ZNF670: variants seen among roughly 807,000 people sequenced by gnomAD.
ZNF670 encodes the protein zinc finger protein 670.
Under a neutral mutation model 10.9 loss-of-function variants are expected in ZNF670, and 7 were observed. The observed-to-expected ratio is 0.64, with a 90% CI of 0.36 to 1.20. The LOEUF is 1.20. Among genes scored for constraint, ZNF670 ranks in the 50% most tolerant of loss-of-function variants. The pLI, the probability that ZNF670 is intolerant of heterozygous loss-of-function variation, is 0.02. For synonymous variants in ZNF670, 136 were observed against 152.7 expected, an observed-to-expected ratio of 0.89 and a Z score of 0.81; for missense variants, 446 against 458.6, an observed-to-expected ratio of 0.97 and a Z score of 0.25.
intron 1 of ZNF670, among the ~76,000 whole-genome samples, chr1:247,076,658 CT>C (rs553387815): frequency 0.012 from 1,651 of 139,816 alleles, 28 homozygotes; most frequent in African/African-American, 0.041. Flanking sequence ...AATAAACTCT[CT>C]TTTTTTTTTT....
At chr1:247,069,819 C>G (rs1671074463) in intron 1 of ZNF670, among the ~76,000 whole-genome samples, 1 of 152,046 alleles carries the variant, frequency 6.6e-6, no homozygotes. Flanking sequence ...GGACATGAGT[C>G]AAAGGATGGT....
Position 247,072,798 on chromosome 1 carries a change from G to GTATATATA in ZNF670, c.3+5795_3+5796insTATATATA, listed in dbSNP as rs1491144904. Among the ~76,000 whole-genome samples the GTATATATA allele has an allele frequency of 5.4e-3, 103 of 18,956 alleles. 1 individual carries two copies. The highest frequency in any genetic ancestry group is 6.1e-3 in the Non-Finnish European group (63 of 10,396). 12.4% of individuals were successfully genotyped at this position (18,956 alleles called of 152,430 possible). A position where few individuals can be genotyped will look rare whatever the true frequency, so the allele number is the denominator to read the frequency against. On this transcript the variant is annotated intron_variant, in intron 1 of 3. Transcript: ENST00000366503. ...ACGAAACTCTGTCTCAAAAAAAAAA[G>GTATATATA]TGTGTGTATATATATATATATATAT...
At chr1:247,070,554 A>G (rs1490994825) in intron 1 of ZNF670, among the ~76,000 whole-genome samples, 1 of 152,244 alleles carries the variant, frequency 6.6e-6, no homozygotes, top group Non-Finnish European at 1.5e-5. Flanking sequence ...AGGACATACC[A>G]TTATGGACAT....
intron 1 of ZNF670, among the ~76,000 whole-genome samples, chr1:247,074,886 C>T (rs910627851): frequency 6.6e-6 from 1 of 152,198 alleles, no homozygotes; most frequent in East Asian, 1.9e-4. Context: ...GGGACCCCTG[C>T]TTTATTGAAT....
At chr1:247,072,798 G>GTATATATATATA (rs1491144904) in intron 1 of ZNF670, among the ~76,000 whole-genome samples, 15 of 19,034 alleles carry the variant, frequency 7.9e-4, no homozygotes, top group Admixed American at 1.7e-3. Flanking sequence ...AAAAAAAAAA[G>GTATATATATATA]TGTGTGTATA....
chr1:247,053,584 C>T (rs7513678), intron 1 of ZNF670, among the ~76,000 whole-genome samples: 49,622 of 152,012 alleles, frequency 0.33, 8,932 homozygotes, highest in African/African-American at 0.46. Context: ...TGCAGTGAGC[C>T]GAGATCGTGC....
In ZNF670 at chr1:247,038,826, G is replaced by A. The variant is rs1670231247; in HGVS notation, c.175C>T (p.Pro59Ser). ...DQNIQDDFKN[P>S]GRNLSSHVVE... Reference sequence around the variant, plus strand: ...GCAAATTACCTTAGATTTCTCCCAGGATTTTTGAAGTCATCTTGGATATTC... The same window carrying A: ...GCAAATTACCTTAGATTTCTCCCAGAATTTTTGAAGTCATCTTGGATATTC... The change falls in exon 3 of 4, where the codon CCT (proline) becomes TCT (serine). Residue 59 changes from proline to serine, a missense_variant. Transcript: ENST00000366503. 3 of 1,611,962 alleles carry A rather than the reference G, an allele frequency of 1.9e-6. No individual in the cohort carries two copies. Among genetic ancestry groups the A allele is most frequent in the Non-Finnish European group, 2.5e-6 (3 of 1,178,944 alleles).
At chr1:247,065,491 A>G (rs1670960092) in intron 1 of ZNF670, among the ~76,000 whole-genome samples, 1 of 152,240 alleles carries the variant, frequency 6.6e-6, no homozygotes, top group Non-Finnish European at 1.5e-5. Context: ...GTTCAATTCT[A>G]CTAAAATTAA....
chr1:247,052,511 T>C (rs187759384), intron 1 of ZNF670, among the ~76,000 whole-genome samples: 13 of 152,308 alleles, frequency 8.5e-5, no homozygotes, highest in Non-Finnish European at 1.3e-4. Context: ...AGGTGGATTC[T>C]GTGAGGGTCC....
At chr1:247,070,725 A>C (rs759561040) in intron 1 of ZNF670, among the ~76,000 whole-genome samples, 4 of 152,240 alleles carry the variant, frequency 2.6e-5, no homozygotes, top group Non-Finnish European at 4.4e-5. Context: ...AATATTTGCT[A>C]TCTGTGTATC....
chr1:247,067,233 C>G (rs1558346158), intron 1 of ZNF670, among the ~76,000 whole-genome samples: 1 of 150,990 alleles, frequency 6.6e-6, no homozygotes, highest in Non-Finnish European at 1.5e-5. Context: ...GTCAGGAGTT[C>G]AAGACCAGCC....
chr1:247,039,599 A>G, intron 1 of ZNF670, 62 bp from the exon 2 acceptor site: 1 of 1,416,886 alleles, frequency 7.1e-7, no homozygotes, highest in African/African-American at 1.5e-5. Flanking sequence ...AAGAATCTAT[A>G]CTCATCTCAT....
rs146107156 is a variant in ZNF670, at chr1:247,051,990, A to ATT, written c.4-12455_4-12454dup. On this transcript the variant is annotated intron_variant, in intron 1 of 3. Coordinates refer to ENST00000366503, the MANE Select transcript of ZNF670 (RefSeq NM_033213.5). The stretch of plus-strand genomic sequence containing the variant: ...GGAGATTTTTTCGTCCATGTCCTGT[A>ATT]TTTTTTTTTTTTTTTTGTAATTCCC... Among the ~76,000 whole-genome samples the ATT allele has an allele frequency of 1.5e-3, 198 of 128,260 alleles. 1 individual carries two copies. Among genetic ancestry groups the ATT allele is most frequent in the African/African-American group, 5.3e-3 (186 of 34,904 alleles). 84.1% of individuals were successfully genotyped at this position (128,260 alleles called of 152,430 possible).
At chr1:247,077,501 A>G (rs1671281180) in intron 1 of ZNF670, among the ~76,000 whole-genome samples, 1 of 152,144 alleles carries the variant, frequency 6.6e-6, no homozygotes, top group Non-Finnish European at 1.5e-5. Context: ...ATGCACAAAG[A>G]CTTTTTTTTT....
chr1:247,054,566 CA>C (rs1163035632), intron 1 of ZNF670, among the ~76,000 whole-genome samples: 8 of 152,168 alleles, frequency 5.3e-5, no homozygotes, highest in African/African-American at 1.7e-4. Context: ...AGAAGGGAAC[CA>C]AATGCCTTGA....
Position 247,039,391 on chromosome 1 carries a change from A to AAAAG in ZNF670, c.130+19_130+20insCTTT. The AAAAG allele has an allele frequency of 6.2e-7, 1 of 1,601,850 alleles. No individual in the cohort carries two copies. The highest frequency in any genetic ancestry group is 1.4e-5 in the African/African-American group (1 of 73,832). On this transcript the variant is annotated intron_variant, in intron 2 of 3. Transcript: ENST00000366503. ...ACTTGCGTTGTAATCAACTACGTGA[A>AAAAG]TAAGTGTTGTTATTCTTACCTACAG...
intron 1 of ZNF670, among the ~76,000 whole-genome samples, chr1:247,053,422 G>A (rs541630555): frequency 1.1e-4 from 16 of 152,302 alleles, no homozygotes; most frequent in Middle Eastern, 3.4e-3. Context: ...CACGAGGTCA[G>A]GAGATAAGAG....
rs531787670 is a variant in ZNF670 at position 247,039,204 on chromosome 1, G to A, written c.130+207C>T. Among the ~76,000 whole-genome samples, 122 of 151,754 alleles carry A rather than the reference G, an allele frequency of 8.0e-4. 1 individual carries two copies. In the South Asian group the frequency reaches 0.021, roughly 26 times the overall value. On this transcript the variant is annotated intron_variant, in intron 2 of 3. Coordinates refer to ENST00000366503, the MANE Select transcript of ZNF670 (RefSeq NM_033213.5). ...CTCCCAAGTAGCTGGGATTACAGGC[G>A]CCTGCTACCACGCCTGGCTAATTTT...
rs376086568 is a variant in ZNF670, at chr1:247,078,355, C to G, written c.3+239G>C. On this transcript the variant is annotated intron_variant, in intron 1 of 3. Coordinates refer to ENST00000366503, the MANE Select transcript of ZNF670 (RefSeq NM_033213.5). ...GGCACCGCACGATCCGAGGGAGATG[C>G]GGGTCTACAGAGGCAGAGCTGCCCA... Among the ~76,000 whole-genome samples, 218 of 152,310 alleles carry G rather than the reference C, an allele frequency of 1.4e-3. 2 individuals are homozygous for G. Among genetic ancestry groups the G allele is most frequent in the Middle Eastern group, 6.8e-3 (2 of 294 alleles).
Sources: gnomAD v4.1 joint callset for allele counts (sites outside exome capture counted in the v4.1 genomes callset) on GRCh38, gnomAD v4.1.1 for gene constraint, MANE v1.5 for transcripts, NCBI Gene and HGNC (gene_info 2026-07-23, HGNC 2026-07-21) for gene names.